The following ZMIZ1 variants were observed in gnomAD, a reference collection of about 807,000 sequenced individuals.
ZMIZ1 encodes zinc finger MIZ-type containing 1, also known as zinc finger MIZ domain-containing protein 1.
ZMIZ1 carries 17 observed loss-of-function variants against 113.9 expected under a neutral mutation model. That is an observed-to-expected ratio of 0.15 (90% CI 0.10 to 0.22). ZMIZ1 has a LOEUF of 0.22. Ranked by LOEUF, ZMIZ1 falls within the 10% of genes least tolerant of loss-of-function variation. ZMIZ1 has a pLI of 1.00. For synonymous variants in ZMIZ1, 607 were observed against 603.1 expected (o/e 1.01, Z -0.09); for missense variants, 1,059 against 1,477.8 (o/e 0.72, Z 4.65).
intron 7 of ZMIZ1, among the ~76,000 whole-genome samples, chr10:79,273,311 T>G (rs1852061206): frequency 2.0e-5 from 3 of 152,198 alleles, no homozygotes; most frequent in Middle Eastern, 3.4e-3. Flanking sequence ...TGGCTGAACC[T>G]CTGCTCCCAA....
At chr10:79,290,861 A>G in intron 9 of ZMIZ1, 98 bp from the exon 10 acceptor site, 2 of 1,387,060 alleles carry the variant, frequency 1.4e-6, no homozygotes, top group Non-Finnish European at 2.0e-6. Context: ...TCCTGCCTCC[A>G]CTTTGTTCTT....
chr10:79,247,815 A>C (rs1850299703), intron 7 of ZMIZ1, among the ~76,000 whole-genome samples: 1 of 152,160 alleles, frequency 6.6e-6, no homozygotes, highest in Non-Finnish European at 1.5e-5. Flanking sequence ...TGGCTTGTAA[A>C]GCTCCCCAGA....
chr10:79,264,464 T>A (rs182950055), intron 7 of ZMIZ1, among the ~76,000 whole-genome samples: 67 of 152,240 alleles, frequency 4.4e-4, no homozygotes, highest in African/African-American at 1.6e-3. Flanking sequence ...ACCTCTCCCC[T>A]CTCCAGCACG....
intron 4 of ZMIZ1, among the ~76,000 whole-genome samples, chr10:79,190,838 ACT>A (rs2132611541): frequency 6.6e-6 from 1 of 152,226 alleles, no homozygotes; most frequent in African/African-American, 2.4e-5. Context: ...CCTGGCTGTG[ACT>A]CTCAGTTTAG....
At chr10:79,274,448 G>A (rs986732966) in intron 7 of ZMIZ1, among the ~76,000 whole-genome samples, 1 of 152,224 alleles carries the variant, frequency 6.6e-6, no homozygotes, top group Non-Finnish European at 1.5e-5. Flanking sequence ...GTAATCCCCT[G>A]CCTGCCTCTG....
intron 4 of ZMIZ1, among the ~76,000 whole-genome samples, chr10:79,170,160 C>A (rs1031287490): frequency 1.3e-5 from 2 of 152,168 alleles, no homozygotes. Context: ...TAAACAGATG[C>A]CCCCAGAAAA....
chr10:79,257,224 G>T (rs1030476527), intron 7 of ZMIZ1, among the ~76,000 whole-genome samples: 1 of 152,218 alleles, frequency 6.6e-6, no homozygotes, highest in Admixed American at 6.5e-5. Context: ...ACCACTGTGG[G>T]GACCCCAGAG....
intron 8 of ZMIZ1, among the ~76,000 whole-genome samples, chr10:79,284,279 A>G (rs1048281866): frequency 1.1e-4 from 16 of 152,214 alleles, no homozygotes; most frequent in Non-Finnish European, 1.0e-4. Context: ...ACGTGAAAAA[A>G]GTGCTGAGGG....
intron 7 of ZMIZ1, among the ~76,000 whole-genome samples, chr10:79,233,774 G>C (rs1849486482): frequency 7.0e-6 from 1 of 142,048 alleles, no homozygotes; most frequent in African/African-American, 2.5e-5. Context: ...CCAAAGATTG[G>C]TAGGGAGGGT....
chr10:79,080,372 T>C (rs1842618159), intron 1 of ZMIZ1, among the ~76,000 whole-genome samples: 1 of 148,400 alleles, frequency 6.7e-6, no homozygotes, highest in African/African-American at 2.5e-5. Context: ...AGTGGCACGA[T>C]CTCGGCTCAC....
At chr10:79,267,988 G>C (rs1403241323) in intron 7 of ZMIZ1, among the ~76,000 whole-genome samples, 1 of 152,202 alleles carries the variant, frequency 6.6e-6, no homozygotes, top group Non-Finnish European at 1.5e-5. Flanking sequence ...ATATTCAGGA[G>C]ACCCCATTGC....
intron 3 of ZMIZ1, among the ~76,000 whole-genome samples, chr10:79,156,058 C>T (rs1397594206): frequency 6.6e-6 from 1 of 152,186 alleles, no homozygotes; most frequent in African/African-American, 2.4e-5. Context: ...CCTTTGGCCC[C>T]GTCCCCACCC....
intron 14 of ZMIZ1, 67 bp from the exon 15 acceptor site, chr10:79,298,339 T>C: frequency 6.5e-7 from 1 of 1,538,876 alleles, no homozygotes; most frequent in East Asian, 2.4e-5. Flanking sequence ...GCGGTGTATG[T>C]CCATAGCCAT....
At chr10:79,257,620 G>A (rs1312871825) in intron 7 of ZMIZ1, among the ~76,000 whole-genome samples, 1 of 152,226 alleles carries the variant, frequency 6.6e-6, no homozygotes, top group Non-Finnish European at 1.5e-5. Context: ...ACAGACCATG[G>A]TGATGTTCAG....
intron 2 of ZMIZ1, among the ~76,000 whole-genome samples, chr10:79,127,569 G>A (rs538931096): frequency 9.4e-4 from 143 of 152,208 alleles, no homozygotes; most frequent in Non-Finnish European, 1.8e-3. Flanking sequence ...GGGCTGGGGC[G>A]GGGTGGGGAG....
chr10:79,255,790 A>G (rs965238803), intron 7 of ZMIZ1, among the ~76,000 whole-genome samples: 1 of 151,940 alleles, frequency 6.6e-6, no homozygotes, highest in Non-Finnish European at 1.5e-5. Context: ...CACTTTTTCG[A>G]TTTAACAAGC....
At chr10:79,239,939 G>C (rs1260275711) in intron 7 of ZMIZ1, among the ~76,000 whole-genome samples, 4 of 112,460 alleles carry the variant, frequency 3.6e-5, no homozygotes, top group Non-Finnish European at 6.6e-5. Flanking sequence ...GGCAGGCTCC[G>C]CATGGCAGGC....
At chr10:79,223,236 G>A (rs959006742) in intron 7 of ZMIZ1, among the ~76,000 whole-genome samples, 4 of 152,234 alleles carry the variant, frequency 2.6e-5, no homozygotes, top group African/African-American at 4.8e-5. Context: ...GCTCGCGGCC[G>A]CCCAGTGAGC....
At chr10:79,163,499 C>CTG (rs1846196820) in intron 4 of ZMIZ1, among the ~76,000 whole-genome samples, 1 of 152,194 alleles carries the variant, frequency 6.6e-6, no homozygotes, top group Admixed American at 6.5e-5. Flanking sequence ...TGAGCATCTG[C>CTG]TGTGTGTGTG....
Sources: gnomAD v4.1 joint callset for allele counts (sites outside exome capture counted in the v4.1 genomes callset) on GRCh38, gnomAD v4.1.1 for gene constraint, MANE v1.5 for transcripts, NCBI Gene and HGNC (gene_info 2026-07-23, HGNC 2026-07-21) for gene names.